The following TAF1 variants were observed in gnomAD, a reference collection of about 807,000 sequenced individuals.
TAF1 encodes the protein transcription initiation factor TFIID subunit 1.
In TAF1, 2 loss-of-function variants were observed where a neutral mutation model predicts 138.5. That is an observed-to-expected ratio of 0.01 (90% confidence interval 0.01 to 0.05). The LOEUF is 0.05. Ranked by LOEUF, TAF1 falls within the 10% of genes least tolerant of loss-of-function variation. The pLI, the probability that TAF1 is intolerant of heterozygous loss-of-function variation, is 1.00. For missense variants in TAF1, 709 were observed against 1,478.0 expected (o/e 0.48, Z 8.53); for synonymous variants, 437 against 503.2 (o/e 0.87, Z 1.76).
rs60691914 is a variant in TAF1 at position 71,487,317 on chromosome X, AT to A, written c.1366+26537del. ...GCTGTTAGTCCCATCTAATGTATGTATTTTTTTTTTTTTTTTTTTTTTTGAG... is the reference window on the plus strand; with the variant it reads ...GCTGTTAGTCCCATCTAATGTATGTATTTTTTTTTTTTTTTTTTTTTTGAG... On this transcript the variant is annotated intron_variant and NMD_transcript_variant, in intron 13 of 14. Transcript: ENST00000373775. Among the ~76,000 whole-genome samples the A allele has an allele frequency of 9.1e-3, 503 of 54,988 alleles. 1 individual carries two copies. Among genetic ancestry groups the A allele is most frequent in the Middle Eastern group, 0.016 (1 of 61 alleles). 47.8% of individuals were successfully genotyped at this position (54,988 alleles called of 115,157 possible).
Position 71,397,377 on chromosome X carries a change from G to A in TAF1, c.3531G>A (p.Gly1177=). Residue 1177 remains glycine, a synonymous_variant, in exon 23 of 38, where the codon GGG becomes GGA. Coordinates refer to ENST00000423759, the MANE Select transcript of TAF1 (RefSeq NM_004606.5). ...ATCGCACGTTTCGAGATGAAGAGGG[G>A]AAAGAGTATGTTCGCTGTGAGACAG... is the stretch of plus-strand genomic sequence containing the variant. The part of the protein sequence containing the change: ...KIYRTFRDEE[G]KEYVRCETVR... The A allele has an allele frequency of 8.3e-7, 1 of 1,211,731 alleles. No homozygotes were observed. Among genetic ancestry groups the A allele is most frequent in the East Asian group, 3.0e-5 (1 of 33,849 alleles).
At chrX:71,508,086 C>CTCTCTCTATATATATA (rs4040068) in intron 13 of TAF1, among the ~76,000 whole-genome samples, 31 of 92,177 alleles carry the variant, frequency 3.4e-4, no homozygotes, top group African/African-American at 1.1e-3. Flanking sequence ...CTCTCTCTCT[C>CTCTCTCTATATATATA]TATATATATA....
At chrX:71,527,739 C>T (rs996462489) in intron 13 of TAF1, 1 of 116,889 alleles carries the variant, frequency 8.6e-6, no homozygotes, top group African/African-American at 3.2e-5. Context: ...TTGATAGCAA[C>T]GAAAGTTTGT....
intron 13 of TAF1, among the ~76,000 whole-genome samples, chrX:71,508,749 T>C (rs1479508391): frequency 9.3e-6 from 1 of 107,294 alleles, no homozygotes; most frequent in Non-Finnish European, 1.9e-5. Flanking sequence ...TGTGTGTGTG[T>C]GTGTGTGTGT....
At chrX:71,459,801 A>T in intron 36 of TAF1, 93 bp downstream of exon 36, 4 of 1,152,683 alleles carry the variant, frequency 3.5e-6, no homozygotes, top group Non-Finnish European at 4.6e-6. Flanking sequence ...ATATGCTTTT[A>T]TTGGAAGCTG....
Position 71,464,354 on chromosome X carries a change from C to G in TAF1, c.*308C>G. On this transcript the variant is annotated 3_prime_UTR_variant, in exon 38 of 38. Coordinates refer to ENST00000423759, the MANE Select transcript of TAF1 (RefSeq NM_004606.5). ...TTATTGCTTTTGGTATAATTTTTCCCTGGGGAAGGAGGGGAAATTATGAAA... is the reference window on the plus strand; with the variant it reads ...TTATTGCTTTTGGTATAATTTTTCCGTGGGGAAGGAGGGGAAATTATGAAA... 2 of 376,362 alleles carry G rather than the reference C, an allele frequency of 5.3e-6. No homozygotes were observed. The highest frequency in any genetic ancestry group is 4.1e-5 in the East Asian group (1 of 24,179). 31.0% of individuals were successfully genotyped at this position (376,362 alleles called of 1,213,427 possible). A position where few individuals can be genotyped will look rare whatever the true frequency, so the allele number is the denominator to read the frequency against.
chrX:71,490,020 G>A (rs139823368), intron 13 of TAF1, among the ~76,000 whole-genome samples: 1,540 of 111,003 alleles, frequency 0.014, 9 homozygotes, highest in African/African-American at 0.035. Context: ...GAGAAAAGAG[G>A]CTTTTTAAAA....
rs766387739 is a variant in TAF1 at position 71,403,152 on chromosome X, C to T, written c.3998+1413C>T. The stretch of plus-strand genomic sequence containing the variant: ...TAAGTTATCCTCTCACCTCAGCATC[C>T]GGAGTAGTTGGGACTACAGGTGTGC... On this transcript the variant is annotated intron_variant, in intron 25 of 37. Coordinates refer to ENST00000423759, the MANE Select transcript of TAF1 (RefSeq NM_004606.5). Among the ~76,000 whole-genome samples, 6 of 110,375 alleles carry T rather than the reference C, an allele frequency of 5.4e-5. No individual in the cohort carries two copies. The South Asian group carries it at 1.1e-3, about 21-fold the overall frequency.
chrX:71,426,268 A>G (rs10081862), intron 32 of TAF1, among the ~76,000 whole-genome samples: 1 of 111,773 alleles, frequency 8.9e-6, no homozygotes. Context: ...GATTACAGGC[A>G]TGAGCCACCA....
intron 32 of TAF1, among the ~76,000 whole-genome samples, chrX:71,446,348 C>T: frequency 8.9e-6 from 1 of 112,305 alleles, no homozygotes; most frequent in African/African-American, 3.2e-5. Flanking sequence ...ATATCTGTTT[C>T]CCTACAACCT....
chrX:71,419,989 A>G, intron 28 of TAF1: 1 of 261,411 alleles, frequency 3.8e-6, no homozygotes, highest in Non-Finnish European at 6.9e-6. Flanking sequence ...CATCAAGGTC[A>G]TCTTCTGTTT....
At chrX:71,420,389 G>C (rs879249959) in intron 28 of TAF1, 1 of 1,209,929 alleles carries the variant, frequency 8.3e-7, no homozygotes, top group Middle Eastern at 3.0e-4. Flanking sequence ...ATTTGTCACA[G>C]AGTATGGTAA....
chrX:71,452,953 C>T lies in TAF1; in HGVS notation c.4754-1217C>T, dbSNP rs998618614. Among the ~76,000 whole-genome samples the T allele has an allele frequency of 7.2e-5, 8 of 111,751 alleles. No homozygotes were observed. In the South Asian group the frequency reaches 1.1e-3, roughly 16 times the overall value. On this transcript the variant is annotated intron_variant, in intron 32 of 37. Transcript: ENST00000423759. The stretch of plus-strand genomic sequence containing the variant: ...GCGCGCGCCTGCAATCGCAGGCACT[C>T]GGCAGGCTGAGGCAGGAGAATCAGG...
At position 71,407,778 on chromosome X, in the gene TAF1, G is replaced by T. The variant is rs1256719222; in HGVS notation, c.4206+106G>T. On this transcript the variant is annotated intron_variant, in intron 27 of 37. Coordinates refer to ENST00000423759, the MANE Select transcript of TAF1 (RefSeq NM_004606.5). ...ATCTGTAGATTTAGGTAACTGGAAT[G>T]CCTAATTTTTAGGGAGTTAGTTTTT... is the stretch of plus-strand genomic sequence containing the variant. The T allele has an allele frequency of 5.0e-6, 5 of 994,312 alleles. No homozygotes were observed. In the East Asian group the frequency reaches 1.2e-4, roughly 25 times the overall value. 81.9% of individuals were successfully genotyped at this position (994,312 alleles called of 1,213,427 possible). A position where few individuals can be genotyped will look rare whatever the true frequency, so the allele number is the denominator to read the frequency against.
At chrX:71,403,153 G>A (rs1002695188) in intron 25 of TAF1, among the ~76,000 whole-genome samples, 1 of 109,536 alleles carries the variant, frequency 9.1e-6, no homozygotes, top group African/African-American at 3.3e-5. Context: ...CTCAGCATCC[G>A]GAGTAGTTGG....
At position 71,367,649 on chromosome X, in the gene TAF1, A is replaced by G. The variant is rs1463471379; in HGVS notation, c.235+36A>G. ...GGTTGTGGGGAGTAGGCGGGGGAGG[A>G]GGCTAGCCACCTACTATGTATGTAC... On this transcript the variant is annotated intron_variant, in intron 2 of 37. Transcript: ENST00000423759. 7.6e-6 allele frequency: 9 copies of G among 1,179,876 alleles called. No homozygotes were observed. The Admixed American group carries it at 1.6e-4, about 21-fold the overall frequency.
intron 23 of TAF1, among the ~76,000 whole-genome samples, chrX:71,397,683 A>G (rs1270577572): frequency 9.0e-6 from 1 of 110,797 alleles, no homozygotes; most frequent in Non-Finnish European, 1.9e-5. Context: ...GGGTTTTGCC[A>G]TGTTGACCAG....
intron 4 of TAF1, 106 bp downstream of exon 4, chrX:71,375,392 A>G (rs1236039045): frequency 3.0e-6 from 3 of 990,489 alleles, no homozygotes; most frequent in Non-Finnish European, 4.0e-6. Context: ...TGAAGGGACA[A>G]AACTTCTAGA....
chrX:71,443,170 C>T (rs182401281), intron 32 of TAF1, among the ~76,000 whole-genome samples: 60 of 111,389 alleles, frequency 5.4e-4, no homozygotes, highest in African/African-American at 1.9e-3. Flanking sequence ...ATATGAACTT[C>T]GAAGTAGTTT....
Sources: allele counts gnomAD v4.1 joint callset (sites outside exome capture counted in the v4.1 genomes callset), GRCh38; gene constraint gnomAD v4.1.1; transcripts MANE v1.5; gene names NCBI Gene and HGNC (gene_info 2026-07-23, HGNC 2026-07-21).